Variants in PSD3 observed in about 807,000 individuals in gnomAD.
PSD3 encodes the protein PH and SEC7 domain-containing protein 3.
A neutral mutation model predicts 105.5 loss-of-function variants in PSD3; 49 were observed. That is an observed-to-expected ratio of 0.46 (90% confidence interval 0.37 to 0.59). The LOEUF is 0.59. PSD3 is among the 20% of genes least tolerant of loss of function. The pLI, the probability that PSD3 is intolerant of heterozygous loss-of-function variation, is 0.00. For synonymous variants in PSD3, 557 were observed against 457.8 expected (o/e 1.22, Z -2.77); for missense variants, 1,561 against 1,263.8 (o/e 1.24, Z -3.57).
intron 14 of PSD3, among the ~76,000 whole-genome samples, chr8:18,565,681 A>T (rs1435834824): frequency 6.6e-6 from 1 of 152,146 alleles, no homozygotes; most frequent in East Asian, 1.9e-4. Flanking sequence ...TGTAAAGTAA[A>T]ATTATCCAAA....
chr8:19,074,611 A>ATATATATATTTTTT (rs1324257417), intron 1 of PSD3, among the ~76,000 whole-genome samples: 5 of 24,228 alleles, frequency 2.1e-4, no homozygotes, highest in East Asian at 2.1e-3. Flanking sequence ...ATATATATAT[A>ATATATATATTTTTT]TTTTTTTTTT....
chr8:18,596,572 C>T (rs1804113906), intron 12 of PSD3, among the ~76,000 whole-genome samples: 1 of 151,844 alleles, frequency 6.6e-6, no homozygotes, highest in South Asian at 2.1e-4. Context: ...ACAAAATTGA[C>T]AATCCTTTAG....
At chr8:18,968,645 G>GTT (rs1824435647) in intron 1 of PSD3, among the ~76,000 whole-genome samples, 2 of 152,128 alleles carry the variant, frequency 1.3e-5, no homozygotes, top group African/African-American at 4.8e-5. Flanking sequence ...GGGAGACCGA[G>GTT]GCAGGCAGAT....
intron 2 of PSD3, among the ~76,000 whole-genome samples, chr8:18,931,236 CTG>C (rs1821729998): frequency 6.6e-6 from 1 of 152,020 alleles, no homozygotes; most frequent in African/African-American, 2.4e-5. Flanking sequence ...AATAGTCAAA[CTG>C]TTGCGAAACC....
chr8:18,553,403 A>G (rs1800892384), intron 15 of PSD3, among the ~76,000 whole-genome samples: 4 of 152,120 alleles, frequency 2.6e-5, no homozygotes, highest in Admixed American at 2.6e-4. Flanking sequence ...TTTTCATGGG[A>G]GCTTCTGGTC....
At chr8:18,871,228 C>G (rs6998537) in intron 3 of PSD3, among the ~76,000 whole-genome samples, 23,342 of 152,122 alleles carry the variant, frequency 0.15, 2,048 homozygotes, top group East Asian at 0.28. Flanking sequence ...TTGGAAGTAC[C>G]AGCTATATAG....
chr8:18,666,011 G>C (rs572588537), intron 9 of PSD3, among the ~76,000 whole-genome samples: 6 of 152,180 alleles, frequency 3.9e-5, no homozygotes, highest in African/African-American at 1.4e-4. Context: ...ACAACTTGCT[G>C]AAGGCTCCAA....
chr8:18,577,819 G>C (rs1053900505), intron 12 of PSD3, among the ~76,000 whole-genome samples: 1 of 151,972 alleles, frequency 6.6e-6, no homozygotes, highest in Admixed American at 6.6e-5. Flanking sequence ...TACATTCTGA[G>C]TCTCCCCTCA....
chr8:18,988,114 CAT>C (rs928050595), intron 1 of PSD3, among the ~76,000 whole-genome samples: 3 of 56,340 alleles, frequency 5.3e-5, no homozygotes, highest in Non-Finnish European at 1.2e-4. Flanking sequence ...TAAATAAATA[CAT>C]ATATATATAT....
At chr8:18,893,984 A>G (rs1015024104) in intron 2 of PSD3, among the ~76,000 whole-genome samples, 3 of 152,212 alleles carry the variant, frequency 2.0e-5, no homozygotes, top group African/African-American at 7.2e-5. Flanking sequence ...CTTGGAAGCA[A>G]TATCTATCAT....
rs1248025408 is a variant in PSD3, at chr8:18,535,193, G to A, written c.*550C>T. 1.3e-5 allele frequency: 2 copies of A among 157,446 alleles called. No individual in the cohort carries two copies. The highest frequency in any genetic ancestry group is 2.8e-5 in the Non-Finnish European group (2 of 70,992). The allele number at this position is 157,446 out of a possible 1,614,324, so 9.8% of individuals were successfully genotyped here. On this transcript the variant is annotated 3_prime_UTR_variant, in exon 16 of 16. Coordinates refer to ENST00000327040, the MANE Select transcript of PSD3 (RefSeq NM_015310.4). ...GTCCGATCTCAACAACAAGTGCTAAGCTGCACATGAAGCTGCCTCATATTG... is the reference window on the plus strand; with the variant it reads ...GTCCGATCTCAACAACAAGTGCTAAACTGCACATGAAGCTGCCTCATATTG...
At chr8:18,593,855 T>C (rs1803799772) in intron 12 of PSD3, among the ~76,000 whole-genome samples, 1 of 150,454 alleles carries the variant, frequency 6.6e-6, no homozygotes, top group South Asian at 2.1e-4. Context: ...ACCATCATTC[T>C]CAGCAAACTA....
rs149314071 is a variant in PSD3 at position 18,572,111 on chromosome 8, C to T, written c.2784+417G>A. On this transcript the variant is annotated intron_variant, in intron 14 of 15. Coordinates refer to ENST00000327040, the MANE Select transcript of PSD3 (RefSeq NM_015310.4). ...GGCCATTTCCCATTGTAATATGAAC[C>T]GTGGATTCCTGAAAATATTTTTGTA... is the stretch of plus-strand genomic sequence containing the variant. Among the ~76,000 whole-genome samples, 11 of 152,194 alleles carry T rather than the reference C, an allele frequency of 7.2e-5. No individual in the cohort carries two copies. The East Asian group carries it at 1.4e-3, about 19-fold the overall frequency.
At chr8:18,802,388 C>A in intron 6 of PSD3, 1 of 421,358 alleles carries the variant, frequency 2.4e-6, no homozygotes. Flanking sequence ...AAAAATCATT[C>A]AAAATGTCTA....
intron 1 of PSD3, among the ~76,000 whole-genome samples, chr8:19,036,472 C>T (rs1827947391): frequency 6.6e-6 from 1 of 152,144 alleles, no homozygotes; most frequent in Non-Finnish European, 1.5e-5. Context: ...AGCAGAAAAA[C>T]CCACCAGAGA....
intron 9 of PSD3, among the ~76,000 whole-genome samples, chr8:18,759,092 A>ACACACACACACACACTCT (rs756248977): frequency 1.3e-4 from 18 of 143,954 alleles, no homozygotes; most frequent in African/African-American, 4.0e-4. Flanking sequence ...ACACACACAC[A>ACACACACACACACACTCT]CTCTCTCTCT....
At chr8:18,853,346 T>C (rs1815744640) in intron 4 of PSD3, among the ~76,000 whole-genome samples, 1 of 151,930 alleles carries the variant, frequency 6.6e-6, no homozygotes, top group Non-Finnish European at 1.5e-5. Flanking sequence ...AGCCCTGGAG[T>C]TCTTGCTGGG....
chr8:19,079,189 G>A (rs1035251032), intron 1 of PSD3, among the ~76,000 whole-genome samples: 1 of 152,066 alleles, frequency 6.6e-6, no homozygotes, highest in Admixed American at 6.5e-5. Context: ...CAAATCACAA[G>A]ATGAGAAAGG....
At chr8:18,821,914 A>G (rs917493003) in intron 4 of PSD3, among the ~76,000 whole-genome samples, 1 of 151,816 alleles carries the variant, frequency 6.6e-6, no homozygotes, top group Non-Finnish European at 1.5e-5. Context: ...ATGGTTGCTT[A>G]GAGGACAACC....
Sources: allele counts gnomAD v4.1 joint callset (sites outside exome capture counted in the v4.1 genomes callset), GRCh38; gene constraint gnomAD v4.1.1; transcripts MANE v1.5; gene names NCBI Gene and HGNC (gene_info 2026-07-23, HGNC 2026-07-21).